The following CSGALNACT1 variants were observed in gnomAD, a reference collection of about 807,000 sequenced individuals.
The protein encoded by CSGALNACT1 is beta4GalNAcT-1.
CSGALNACT1 carries 52 observed loss-of-function variants against 51.0 expected under a neutral mutation model. The ratio of observed to expected loss-of-function variants is 1.02; its 90% confidence interval spans 0.82 to 1.29. The LOEUF (loss-of-function observed/expected upper bound fraction) is 1.29. Among genes scored for constraint, CSGALNACT1 ranks in the 50% most tolerant of loss-of-function variants. The pLI, the probability that CSGALNACT1 is intolerant of heterozygous loss-of-function variation, is 0.00. For synonymous variants in CSGALNACT1, 341 were observed against 254.4 expected (o/e 1.34, Z -3.24); for missense variants, 935 against 679.2 (o/e 1.38, Z -4.19).
chr8:19,464,247 G>A (rs562111162), intron 4 of CSGALNACT1, among the ~76,000 whole-genome samples: 1 of 152,078 alleles, frequency 6.6e-6, no homozygotes, highest in East Asian at 1.9e-4. Flanking sequence ...ATAACAAGAA[G>A]CATCTGCCAA....
intron 3 of CSGALNACT1, among the ~76,000 whole-genome samples, chr8:19,568,422 C>G (rs1215876186): frequency 6.6e-6 from 1 of 151,930 alleles, no homozygotes; most frequent in Non-Finnish European, 1.5e-5. Flanking sequence ...CATCATTGAC[C>G]CAGACATCAT....
At chr8:19,456,274 C>A (rs1404239038) in intron 5 of CSGALNACT1, among the ~76,000 whole-genome samples, 1 of 152,164 alleles carries the variant, frequency 6.6e-6, no homozygotes, top group Non-Finnish European at 1.5e-5. Flanking sequence ...ACAGTGAGGA[C>A]TTGTCCTTTC....
chr8:19,621,326 T>C (rs745753750), intron 1 of CSGALNACT1, among the ~76,000 whole-genome samples: 1 of 152,134 alleles, frequency 6.6e-6, no homozygotes, highest in South Asian at 2.1e-4. Flanking sequence ...TATTATAAAT[T>C]TTACTGAGCT....
upstream of CSGALNACT1, among the ~76,000 whole-genome samples, chr8:19,606,110 A>C (rs1461495515): frequency 2.0e-5 from 3 of 152,160 alleles, no homozygotes; most frequent in African/African-American, 7.2e-5. Flanking sequence ...TGATTCTCAA[A>C]ATGTGAAAAA....
In CSGALNACT1 at chr8:19,487,767, G is replaced by T. The variant is rs533790625; in HGVS notation, c.634+17434C>A. The stretch of plus-strand genomic sequence containing the variant: ...TTCCCATGCCATCCATCTTCTAATA[G>T]GATTTCTAATTAGAAAAGGGCTGTA... On this transcript the variant is annotated intron_variant, in intron 4 of 9. Coordinates refer to ENST00000454498, the Ensembl canonical transcript of CSGALNACT1. 8.9e-4 allele frequency among the ~76,000 whole-genome samples: 135 copies of T among 152,108 alleles called. 1 individual carries two copies. The highest frequency in any genetic ancestry group is 3.1e-3 in the African/African-American group (128 of 41,482).
At chr8:19,597,285 CTTTTTTTTTTTTTTT>C (rs35177349) in intron 2 of CSGALNACT1, among the ~76,000 whole-genome samples, 4 of 64,566 alleles carry the variant, frequency 6.2e-5, no homozygotes, top group South Asian at 1.5e-3. Context: ...TATCTTCTTT[CTTTTTTTTTTTTTTT>C]TTTTTTTTTT....
rs3802328 is a variant in CSGALNACT1 at position 19,439,540 on chromosome 8, C to T, written c.953+290G>A. 0.66 allele frequency among the ~76,000 whole-genome samples: 99,608 copies of T among 152,004 alleles called. 33,028 individuals are homozygous for T. Among genetic ancestry groups the T allele is most frequent in the East Asian group, 0.84 (4,344 of 5,156 alleles). On this transcript the variant is annotated intron_variant, in intron 6 of 9. Transcript: ENST00000454498. The stretch of plus-strand genomic sequence containing the variant: ...ATCTATAGTGCTAAAAATGATGACA[C>T]CCAGTTATATGGAAGCTCAAAGGAG...
intron 1 of CSGALNACT1, among the ~76,000 whole-genome samples, chr8:19,625,196 G>GGGT (rs2054293176): frequency 6.6e-6 from 1 of 152,172 alleles, no homozygotes; most frequent in South Asian, 2.1e-4. Context: ...GAGGGACGTG[G>GGGT]GGTGGTCTGT....
intron 3 of CSGALNACT1, among the ~76,000 whole-genome samples, chr8:19,579,133 C>T (rs888512813): frequency 6.6e-6 from 1 of 152,222 alleles, no homozygotes; most frequent in Non-Finnish European, 1.5e-5. Context: ...AAGTGCCATA[C>T]TCAAAATCCT....
chr8:19,568,501 G>T (rs1439805817), intron 3 of CSGALNACT1, among the ~76,000 whole-genome samples: 1 of 152,060 alleles, frequency 6.6e-6, no homozygotes. Context: ...GGTGGATCAG[G>T]ATTATCCCAA....
At chr8:19,667,011 GAA>G (rs1369110871) in intron 1 of CSGALNACT1, among the ~76,000 whole-genome samples, 4 of 32,898 alleles carry the variant, frequency 1.2e-4, no homozygotes, top group Admixed American at 9.6e-4. Flanking sequence ...AAGAAAGAAA[GAA>G]AGAAAGGAAG....
chr8:19,735,941 A>G (rs1252756386), intron 1 of CSGALNACT1, among the ~76,000 whole-genome samples: 1 of 152,184 alleles, frequency 6.6e-6, no homozygotes, highest in African/African-American at 2.4e-5. Context: ...TTATACAATC[A>G]ATTTTATCAA....
chr8:19,686,161 C>T (rs1185548004), upstream of CSGALNACT1, among the ~76,000 whole-genome samples: 1 of 152,134 alleles, frequency 6.6e-6, no homozygotes, highest in African/African-American at 2.4e-5. Flanking sequence ...CTTTGCTCTC[C>T]AGCCAGCGGA....
intron 1 of CSGALNACT1, among the ~76,000 whole-genome samples, chr8:19,700,111 C>CA (rs1252529714): frequency 2.1e-3 from 121 of 58,252 alleles, no homozygotes; most frequent in African/African-American, 6.3e-3. Context: ...GACTCCGTCT[C>CA]AAAAAAAAAA....
At chr8:19,668,166 A>G (rs1269038169) in intron 1 of CSGALNACT1, among the ~76,000 whole-genome samples, 1 of 152,230 alleles carries the variant, frequency 6.6e-6, no homozygotes, top group Non-Finnish European at 1.5e-5. Flanking sequence ...ATTTTGTTCA[A>G]AAATGCAAAA....
chr8:19,420,437 G>T (rs1206329389), exon 7 of CSGALNACT1: 1 of 1,614,208 alleles, frequency 6.2e-7, no homozygotes, highest in Non-Finnish European at 8.5e-7. Flanking sequence ...CCTTCCAGAA[G>T]CGGGCTCCAA....
At chr8:19,715,740 G>C (rs375560803) in intron 1 of CSGALNACT1, among the ~76,000 whole-genome samples, 41 of 152,266 alleles carry the variant, frequency 2.7e-4, no homozygotes, top group Admixed American at 1.4e-3. Flanking sequence ...CCTTCTGCTA[G>C]TTCTGCTAGG....
chr8:19,602,166 G>GA (rs1333052432), exon 1 of CSGALNACT1: 1 of 204,902 alleles, frequency 4.9e-6, no homozygotes, highest in African/African-American at 2.4e-5. Context: ...GATCTCGCAG[G>GA]AAAGAAACGT....
chr8:19,641,272 C>A (rs529116882), intron 1 of CSGALNACT1, among the ~76,000 whole-genome samples: 131 of 152,108 alleles, frequency 8.6e-4, no homozygotes, highest in African/African-American at 3.1e-3. Flanking sequence ...ACAATCCCTA[C>A]CCGTCCTGGG....
Sources: allele counts gnomAD v4.1 joint callset (sites outside exome capture counted in the v4.1 genomes callset), GRCh38; gene constraint gnomAD v4.1.1; transcripts MANE v1.5; gene names NCBI Gene and HGNC (gene_info 2026-07-23, HGNC 2026-07-21).